RABGAP1L: variants seen among roughly 807,000 people sequenced by gnomAD.
RABGAP1L encodes the protein RAB GTPase activating protein 1 like, also known as rab GTPase-activating protein 1-like.
In RABGAP1L, 63 loss-of-function variants were observed where a neutral mutation model predicts 137.7. That is an observed-to-expected ratio of 0.46 (90% CI 0.37 to 0.56). RABGAP1L has a LOEUF of 0.56. Among genes scored for constraint, RABGAP1L ranks in the 20% least tolerant of loss-of-function variants. The pLI, the probability that RABGAP1L is intolerant of heterozygous loss-of-function variation, is 0.00. For missense variants in RABGAP1L, 1,095 were observed against 1,244.0 expected, an observed-to-expected ratio of 0.88 and a Z score of 1.80; for synonymous variants, 431 against 433.7, an observed-to-expected ratio of 0.99 and a Z score of 0.08.
Position 174,784,011 on chromosome 1 carries a change from C to CTTTTTTTT in RABGAP1L, c.2212-27801_2212-27794dup, listed in dbSNP as rs3085670. ...GCCGTGAGTTTTTCTTCTTCTTCTTCTTTTTTTTTTTTTTTTTTTTTTTTT... is the reference window on the plus strand; with the variant it reads ...GCCGTGAGTTTTTCTTCTTCTTCTTCTTTTTTTTTTTTTTTTTTTTTTTTTTTTTTTTT... On this transcript the variant is annotated intron_variant, in intron 18 of 25. Coordinates refer to ENST00000681986, the MANE Select transcript of RABGAP1L (RefSeq NM_001366446.1). Among the ~76,000 whole-genome samples, 24 of 52,164 alleles carry CTTTTTTTT rather than the reference C, an allele frequency of 4.6e-4. 2 individuals are homozygous for CTTTTTTTT. Among genetic ancestry groups the CTTTTTTTT allele is most frequent in the African/African-American group, 1.3e-3 (17 of 13,562 alleles). 34.2% of individuals were successfully genotyped at this position (52,164 alleles called of 152,430 possible). A position where few individuals can be genotyped will look rare whatever the true frequency, so the allele number is the denominator to read the frequency against.
At chr1:174,620,146 A>G (rs1171581200) in intron 13 of RABGAP1L, among the ~76,000 whole-genome samples, 1 of 152,126 alleles carries the variant, frequency 6.6e-6, no homozygotes, top group Non-Finnish European at 1.5e-5. Flanking sequence ...AAGCCGTTAG[A>G]GACCTGCAAG....
chr1:174,635,622 A>T (rs1256716109), intron 13 of RABGAP1L, among the ~76,000 whole-genome samples: 1 of 148,586 alleles, frequency 6.7e-6, no homozygotes, highest in East Asian at 1.9e-4. Context: ...CTTTTACTGA[A>T]GTTATGGTGA....
At chr1:174,324,359 A>G (rs1680262162) in intron 11 of RABGAP1L, among the ~76,000 whole-genome samples, 1 of 152,128 alleles carries the variant, frequency 6.6e-6, no homozygotes, top group Admixed American at 6.5e-5. Context: ...AAAGGTTATA[A>G]TGCAATTTTT....
chr1:174,642,326 G>A (rs1674590482), intron 14 of RABGAP1L, among the ~76,000 whole-genome samples: 1 of 151,884 alleles, frequency 6.6e-6, no homozygotes, highest in South Asian at 2.1e-4. Flanking sequence ...TTATCAAAAA[G>A]ATTGGATTTA....
intron 12 of RABGAP1L, among the ~76,000 whole-genome samples, chr1:174,389,811 A>G (rs2149072764): frequency 1.3e-5 from 2 of 152,284 alleles, no homozygotes; most frequent in South Asian, 4.1e-4. Context: ...TGGAGTTTCT[A>G]TTCATGCATT....
intron 7 of RABGAP1L, among the ~76,000 whole-genome samples, chr1:174,259,403 T>C (rs1673390952): frequency 6.6e-6 from 1 of 152,212 alleles, no homozygotes; most frequent in Non-Finnish European, 1.5e-5. Context: ...GAAACTGAGG[T>C]ACAAAAGTTA....
chr1:174,256,934 C>G (rs925945942), intron 7 of RABGAP1L, among the ~76,000 whole-genome samples: 2 of 152,188 alleles, frequency 1.3e-5, no homozygotes, highest in African/African-American at 4.8e-5. Flanking sequence ...CTCTTGCCTT[C>G]TCTCTACATT....
intron 13 of RABGAP1L, among the ~76,000 whole-genome samples, chr1:174,420,951 AGGTGTGAGCCAC>A (rs1436108062): frequency 6.6e-6 from 1 of 152,172 alleles, no homozygotes; most frequent in Non-Finnish European, 1.5e-5. Context: ...CTGGGATTAC[AGGTGTGAGCCAC>A]CGCGCCTGGC....
chr1:174,830,640 C>A (rs1573398389), intron 19 of RABGAP1L, among the ~76,000 whole-genome samples: 1 of 147,286 alleles, frequency 6.8e-6, no homozygotes, highest in East Asian at 2.1e-4. Context: ...CCATGCCTGG[C>A]CAATTTTTGT....
intron 11 of RABGAP1L, among the ~76,000 whole-genome samples, chr1:174,357,479 A>C (rs1411880736): frequency 6.6e-6 from 1 of 152,244 alleles, no homozygotes; most frequent in Non-Finnish European, 1.5e-5. Flanking sequence ...AAGACAAATA[A>C]GATATAGTCC....
chr1:174,543,499 A>T (rs1408875796), intron 13 of RABGAP1L, among the ~76,000 whole-genome samples: 2 of 152,082 alleles, frequency 1.3e-5, no homozygotes, highest in Non-Finnish European at 2.9e-5. Flanking sequence ...CCTGCCTGTG[A>T]GATGGGTTTC....
chr1:174,265,109 G>T (rs934489816), intron 7 of RABGAP1L, among the ~76,000 whole-genome samples: 1 of 152,148 alleles, frequency 6.6e-6, no homozygotes, highest in Non-Finnish European at 1.5e-5. Context: ...TACAGGGGAA[G>T]ATATTCCTTT....
chr1:174,960,536 A>T (rs1668996110), intron 20 of RABGAP1L, among the ~76,000 whole-genome samples: 1 of 152,202 alleles, frequency 6.6e-6, no homozygotes. Context: ...ATCTTCTGGA[A>T]TTAGGAAGTA....
rs1014661444 is a variant in RABGAP1L at position 174,849,782 on chromosome 1, A to G, written c.2340+37822A>G. ...TTTTCTCAGCAGTTCATGTTTCTGG[A>G]TAAAGTTTATGATTATTGAGAAGTG... On this transcript the variant is annotated intron_variant, in intron 19 of 25. Transcript: ENST00000681986. 3.2e-5 allele frequency: 17 copies of G among 529,432 alleles called. No homozygotes were observed. In the African/African-American group the frequency reaches 3.3e-4, roughly 10 times the overall value. 32.8% of individuals were successfully genotyped at this position (529,432 alleles called of 1,614,324 possible).
At chr1:174,933,954 A>G (rs1423019609) in intron 19 of RABGAP1L, among the ~76,000 whole-genome samples, 4 of 152,250 alleles carry the variant, frequency 2.6e-5, no homozygotes, top group African/African-American at 9.6e-5. Flanking sequence ...TTATACTCGA[A>G]TTAAACTGTG....
chr1:174,687,437 G>A (rs1342522377), intron 15 of RABGAP1L, among the ~76,000 whole-genome samples: 1 of 152,150 alleles, frequency 6.6e-6, no homozygotes, highest in Non-Finnish European at 1.5e-5. Flanking sequence ...TCAGCATTCT[G>A]TTAATGAAAA....
intron 13 of RABGAP1L, among the ~76,000 whole-genome samples, chr1:174,580,253 C>T (rs1311280297): frequency 6.6e-6 from 1 of 152,104 alleles, no homozygotes; most frequent in Non-Finnish European, 1.5e-5. Context: ...GAGTATTCAG[C>T]CATTTGACCC....
chr1:174,364,286 G>T (rs1192186341), intron 11 of RABGAP1L, among the ~76,000 whole-genome samples: 1 of 91,450 alleles, frequency 1.1e-5, no homozygotes, highest in Non-Finnish European at 1.9e-5. Flanking sequence ...ACGGAGTCTC[G>T]CTCTGTCGCC....
intron 23 of RABGAP1L, 132 bp from the exon 24 acceptor site, chr1:174,982,702 A>G (rs1317652943): frequency 1.2e-6 from 1 of 829,504 alleles, no homozygotes; most frequent in Non-Finnish European, 1.9e-6. Context: ...TGGCATTTGC[A>G]GTGCTATTCA....
Sources: allele counts gnomAD v4.1 joint callset (sites outside exome capture counted in the v4.1 genomes callset), GRCh38; gene constraint gnomAD v4.1.1; transcripts MANE v1.5; gene names NCBI Gene and HGNC (gene_info 2026-07-23, HGNC 2026-07-21).